Variants in ZC4H2 observed in about 807,000 individuals in gnomAD.
ZC4H2 encodes zinc finger C4H2-type containing, also known as zinc finger C4H2 domain-containing protein.
For synonymous variants in ZC4H2, 84 were observed against 66.3 expected, an observed-to-expected ratio of 1.27 and a Z score of -1.30; for missense variants, 137 against 173.9, an observed-to-expected ratio of 0.79 and a Z score of 1.19.
intron 1 of ZC4H2, among the ~76,000 whole-genome samples, chrX:65,005,333 C>T (rs900190979): frequency 1.1e-4 from 12 of 111,341 alleles, no homozygotes; most frequent in Admixed American, 3.8e-4. Context: ...TCAAACTATA[C>T]TACAAGGCTA....
intron 1 of ZC4H2, among the ~76,000 whole-genome samples, chrX:64,937,648 TA>T (rs753086091): frequency 4.5e-5 from 5 of 111,693 alleles, no homozygotes; most frequent in Non-Finnish European, 7.5e-5. Context: ...ACCACACAAC[TA>T]CATGCAAACT....
At chrX:65,011,044 G>A (rs1447018192) in intron 1 of ZC4H2, among the ~76,000 whole-genome samples, 2 of 111,557 alleles carry the variant, frequency 1.8e-5, no homozygotes, top group Non-Finnish European at 3.8e-5. Context: ...TGGATCTTGA[G>A]TTGGTAGCTG....
intron 1 of ZC4H2, among the ~76,000 whole-genome samples, chrX:64,934,742 G>T (rs1281087904): frequency 2.7e-5 from 3 of 111,550 alleles, no homozygotes; most frequent in Non-Finnish European, 5.6e-5. Context: ...CAAGGGGTCG[G>T]GGAACTCCAT....
intron 1 of ZC4H2, among the ~76,000 whole-genome samples, chrX:65,002,829 T>G (rs1253184051): frequency 3.6e-5 from 4 of 109,734 alleles, no homozygotes; most frequent in Non-Finnish European, 7.6e-5. Context: ...CGGTGCAAGA[T>G]GTGCTTTGTT....
chrX:64,950,731 C>T (rs1930770187), intron 1 of ZC4H2, among the ~76,000 whole-genome samples: 1 of 110,897 alleles, frequency 9.0e-6, no homozygotes. Context: ...TATTTTAAGC[C>T]TATGTGTGTC....
intron 1 of ZC4H2, among the ~76,000 whole-genome samples, chrX:64,938,111 T>A (rs1252060977): frequency 1.8e-5 from 2 of 112,021 alleles, no homozygotes; most frequent in Non-Finnish European, 3.8e-5. Flanking sequence ...ATATCACTAC[T>A]GATCCCACAG....
intron 1 of ZC4H2, among the ~76,000 whole-genome samples, chrX:64,942,966 T>C (rs1433138334): frequency 8.9e-6 from 1 of 112,225 alleles, no homozygotes; most frequent in Non-Finnish European, 1.9e-5. Flanking sequence ...GTGTTCCTAT[T>C]TCTCCACATC....
intron 1 of ZC4H2, among the ~76,000 whole-genome samples, chrX:64,994,423 A>G (rs1454198317): frequency 8.9e-6 from 1 of 112,150 alleles, no homozygotes; most frequent in Non-Finnish European, 1.9e-5. Context: ...CAAGTCAAAT[A>G]AAACAAGTCA....
intron 1 of ZC4H2, among the ~76,000 whole-genome samples, chrX:65,012,885 G>A (rs193185373): frequency 6.5e-4 from 73 of 111,778 alleles, no homozygotes; most frequent in African/African-American, 2.2e-3. Flanking sequence ...GATAAAGAAA[G>A]AGATAGAAAT....
At chrX:64,924,455 AG>A (rs1929342249) in intron 1 of ZC4H2, among the ~76,000 whole-genome samples, 1 of 111,975 alleles carries the variant, frequency 8.9e-6, no homozygotes, top group African/African-American at 3.2e-5. Flanking sequence ...ATAGACAGCA[AG>A]TTTCATCTAA....
chrX:65,024,936 G>A (rs934257495), intron 1 of ZC4H2, among the ~76,000 whole-genome samples: 5 of 110,844 alleles, frequency 4.5e-5, no homozygotes, highest in African/African-American at 1.6e-4. Context: ...ACCACCTATT[G>A]AGTATTATGC....
rs1055111484 is a variant in ZC4H2 at position 64,992,238 on chromosome X, T to A, written c.-272+42391A>T. ...CAATATAAACGCTTCAGTCTCAACT[T>A]AAGACCTTTCATAAATGAGACATTC... On this transcript the variant is annotated intron_variant, in intron 1 of 4. Coordinates refer to the ZC4H2 transcript ENST00000337990. Among the ~76,000 whole-genome samples the A allele has an allele frequency of 2.7e-5, 3 of 111,790 alleles. No homozygotes were observed. In the East Asian group the frequency reaches 8.4e-4, roughly 31 times the overall value.
intron 1 of ZC4H2, among the ~76,000 whole-genome samples, chrX:64,936,148 C>T (rs1208856446): frequency 9.2e-6 from 1 of 108,776 alleles, no homozygotes; most frequent in Non-Finnish European, 1.9e-5. Flanking sequence ...ATAGTGGAAT[C>T]GACCAAGCAG....
chrX:64,953,635 C>G (rs1413742995), intron 1 of ZC4H2, among the ~76,000 whole-genome samples: 1 of 110,566 alleles, frequency 9.0e-6, no homozygotes, highest in East Asian at 2.9e-4. Context: ...GCATCTCACA[C>G]CAGAATGGCG....
At chrX:64,939,791 T>G (rs1218944804) in intron 1 of ZC4H2, among the ~76,000 whole-genome samples, 3 of 112,003 alleles carry the variant, frequency 2.7e-5, no homozygotes, top group Admixed American at 9.5e-5. Context: ...TCAAGATGGA[T>G]GAAAGACTTA....
Position 64,922,180 on chromosome X carries a change from G to A in ZC4H2, c.54-192C>T, listed in dbSNP as rs1349880911. The A allele has an allele frequency of 5.0e-6, 5 of 1,003,414 alleles. No homozygotes were observed. In the African/African-American group the frequency reaches 8.1e-5, roughly 16 times the overall value. 82.7% of individuals were successfully genotyped at this position (1,003,414 alleles called of 1,213,427 possible). ...AATCTCAGCAATTTGGAAGACAGAG[G>A]CAGGAGGATCACTTGAGCCCAGGAG... On this transcript the variant is annotated intron_variant, in intron 1 of 4. Coordinates refer to ENST00000374839, the MANE Select transcript of ZC4H2 (RefSeq NM_018684.4).
At chrX:64,978,137 G>A (rs1197436103), upstream of ZC4H2, among the ~76,000 whole-genome samples, 1 of 111,395 alleles carries the variant, frequency 9.0e-6, no homozygotes, top group African/African-American at 3.3e-5. Context: ...AGGCTTGTTG[G>A]GAGGCCTCTA....
chrX:64,939,118 A>G (rs946858520), intron 1 of ZC4H2, among the ~76,000 whole-genome samples: 3 of 112,046 alleles, frequency 2.7e-5, no homozygotes, highest in African/African-American at 9.7e-5. Context: ...ATGTGCAAAA[A>G]TCACAAGCAT....
At chrX:64,936,689 G>A (rs1423282990) in intron 1 of ZC4H2, among the ~76,000 whole-genome samples, 2 of 111,093 alleles carry the variant, frequency 1.8e-5, no homozygotes, top group African/African-American at 3.3e-5. Context: ...CATAAGTGAA[G>A]GAGAAAAAAA....
Sources: allele counts gnomAD v4.1 joint callset (sites outside exome capture counted in the v4.1 genomes callset), GRCh38; gene constraint gnomAD v4.1.1; transcripts MANE v1.5; gene names NCBI Gene and HGNC (gene_info 2026-07-23, HGNC 2026-07-21).